Variants in LARGE1 observed in about 807,000 individuals in gnomAD.
The protein encoded by LARGE1 is xylosyl- and glucuronyltransferase LARGE1.
In LARGE1, 43 loss-of-function variants were observed where a neutral mutation model predicts 87.6. That is an observed-to-expected ratio of 0.49 (90% CI 0.38 to 0.63). LARGE1 has a LOEUF of 0.63. LARGE1 is among the 30% of genes least tolerant of loss of function. LARGE1 has a pLI of 0.00. For synonymous variants in LARGE1, 434 were observed against 394.6 expected (o/e 1.10, Z -1.18); for missense variants, 802 against 1,000.2 (o/e 0.80, Z 2.67).
intron 12 of LARGE1, among the ~76,000 whole-genome samples, chr22:33,303,808 A>ACG (rs1555892175): frequency 6.8e-5 from 10 of 146,658 alleles, no homozygotes; most frequent in African/African-American, 2.6e-4. Context: ...TATTTTTAGT[A>ACG]GGGGGGGGGT....
chr22:33,169,257 G>A (rs771501276), intron 11 of LARGE1, among the ~76,000 whole-genome samples: 4 of 152,122 alleles, frequency 2.6e-5, no homozygotes, highest in Admixed American at 1.3e-4. Context: ...TAGGTCTTAC[G>A]TATAATGAGG....
chr22:33,540,549 A>G (rs544975410), intron 6 of LARGE1, among the ~76,000 whole-genome samples: 95 of 152,282 alleles, frequency 6.2e-4, no homozygotes, highest in Non-Finnish European at 1.2e-3. Flanking sequence ...ACCCTGCCCC[A>G]CTGCCCCCAT....
intron 11 of LARGE1, among the ~76,000 whole-genome samples, chr22:33,259,184 A>G (rs944677597): frequency 6.6e-6 from 1 of 152,114 alleles, no homozygotes; most frequent in Non-Finnish European, 1.5e-5. Flanking sequence ...GGCCAACTTT[A>G]TCTTTATTCT....
At chr22:33,446,162 T>C (rs78591041) in intron 6 of LARGE1, among the ~76,000 whole-genome samples, 1,659 of 152,264 alleles carry the variant, frequency 0.011, 29 homozygotes, top group African/African-American at 0.038. Flanking sequence ...CCCTAAATGA[T>C]AGGGCTCAGA....
intron 8 of LARGE1, among the ~76,000 whole-genome samples, chr22:33,382,682 G>A (rs1333984794): frequency 6.6e-6 from 1 of 152,136 alleles, no homozygotes; most frequent in East Asian, 1.9e-4. Context: ...ACTAGCTGCT[G>A]ACAGGTGGCG....
intron 2 of LARGE1, among the ~76,000 whole-genome samples, chr22:33,756,851 G>C (rs1318643190): frequency 6.6e-6 from 1 of 152,176 alleles, no homozygotes; most frequent in East Asian, 1.9e-4. Context: ...TGAAAGATGG[G>C]AAACAACTGA....
At chr22:33,346,952 T>G (rs1402525841) in intron 9 of LARGE1, among the ~76,000 whole-genome samples, 3 of 152,206 alleles carry the variant, frequency 2.0e-5, no homozygotes, top group African/African-American at 7.2e-5. Context: ...TGTCCTCTTC[T>G]CACTTCACTC....
chr22:33,228,542 G>C (rs556811170), intron 11 of LARGE1, among the ~76,000 whole-genome samples: 1 of 152,334 alleles, frequency 6.6e-6, no homozygotes, highest in East Asian at 1.9e-4. Context: ...CAACTTGGCA[G>C]GCTGAGCTGA....
At chr22:33,414,334 A>G (rs1273417409) in intron 7 of LARGE1, among the ~76,000 whole-genome samples, 1 of 152,176 alleles carries the variant, frequency 6.6e-6, no homozygotes, top group Admixed American at 6.5e-5. Flanking sequence ...TTATTTCTTA[A>G]TAGGTAAAAG....
chr22:33,854,966 A>G (rs1435918917), intron 1 of LARGE1, among the ~76,000 whole-genome samples: 1 of 152,198 alleles, frequency 6.6e-6, no homozygotes, highest in African/African-American at 2.4e-5. Context: ...CAGGACCACA[A>G]GGCATTCAGC....
intron 6 of LARGE1, among the ~76,000 whole-genome samples, chr22:33,448,168 A>G (rs1172396145): frequency 6.6e-6 from 1 of 152,158 alleles, no homozygotes; most frequent in African/African-American, 2.4e-5. Flanking sequence ...TTGAAACTAG[A>G]GACATCAAGT....
At chr22:33,852,734 T>C (rs1012744541) in intron 1 of LARGE1, among the ~76,000 whole-genome samples, 20 of 151,474 alleles carry the variant, frequency 1.3e-4, no homozygotes, top group African/African-American at 4.4e-4. Context: ...CGTACACCTG[T>C]AGTCCCAGCT....
chr22:33,604,868 A>G (rs914557476), intron 4 of LARGE1, among the ~76,000 whole-genome samples: 1 of 152,134 alleles, frequency 6.6e-6, no homozygotes, highest in Non-Finnish European at 1.5e-5. Flanking sequence ...AGCCGTAAGT[A>G]GAGCATGTGT....
At chr22:33,089,321 T>TTCTTTCTTCTTCTTC in the LARGE1 span, among the ~76,000 whole-genome samples, 955 of 86,972 alleles carry the variant, frequency 0.011, 9 homozygotes, top group African/African-American at 0.018. Context: ...TTCTTTCTTC[T>TTCTTTCTTCTTCTTC]TTCTTCTTCT....
intron 11 of LARGE1, among the ~76,000 whole-genome samples, chr22:33,239,019 A>C (rs962333650): frequency 6.6e-6 from 1 of 152,138 alleles, no homozygotes; most frequent in African/African-American, 2.4e-5. Flanking sequence ...ATCAAATCAA[A>C]GTTATCTTCA....
At chr22:33,297,082 G>A (rs576075216) in intron 12 of LARGE1, among the ~76,000 whole-genome samples, 1 of 152,294 alleles carries the variant, frequency 6.6e-6, no homozygotes, top group South Asian at 2.1e-4. Context: ...AATGTTACCT[G>A]GTAATGTCTC....
intron 11 of LARGE1, among the ~76,000 whole-genome samples, chr22:33,186,206 C>A (rs1923466072): frequency 6.6e-6 from 1 of 151,920 alleles, no homozygotes. Context: ...AAAACTTGAC[C>A]AAAACATAAC....
At chr22:33,509,399 T>C (rs117879324) in intron 6 of LARGE1, among the ~76,000 whole-genome samples, 3 of 152,238 alleles carry the variant, frequency 2.0e-5, no homozygotes, top group South Asian at 2.1e-4. Flanking sequence ...ACACATTCCA[T>C]TGCAAGGATG....
rs960970218 is a variant in LARGE1, at chr22:33,273,833, G to A, written c.*594C>T. ...AAGAAAAACAAAACAAAACAGGAGT[G>A]ACTTTGGGGATAAGGAAACCCATCA... On this transcript the variant is annotated 3_prime_UTR_variant, in exon 15 of 15. Coordinates refer to ENST00000397394, the MANE Select transcript of LARGE1 (RefSeq NM_133642.5). The A allele has an allele frequency of 4.3e-5, 17 of 391,962 alleles. No homozygotes were observed. The East Asian group carries it at 6.2e-4, about 14-fold the overall frequency. 24.3% of individuals were successfully genotyped at this position (391,962 alleles called of 1,614,324 possible).
Sources: allele counts gnomAD v4.1 joint callset (sites outside exome capture counted in the v4.1 genomes callset), GRCh38; gene constraint gnomAD v4.1.1; transcripts MANE v1.5; gene names NCBI Gene and HGNC (gene_info 2026-07-23, HGNC 2026-07-21).